MGAT4A: variants seen among roughly 807,000 people sequenced by gnomAD.
MGAT4A encodes alpha-1,3-mannosyl-glycoprotein 4-beta-N-acetylglucosaminyltransferase A.
In MGAT4A, 33 loss-of-function variants were observed where a neutral mutation model predicts 74.1. That is an observed-to-expected ratio of 0.45 (90% confidence interval 0.34 to 0.60). MGAT4A has a LOEUF of 0.60. Ranked by LOEUF, MGAT4A falls within the 20% of genes least tolerant of loss-of-function variation. The pLI is 0.02. For missense variants in MGAT4A, 479 were observed against 628.3 expected (o/e 0.76, Z 2.54); for synonymous variants, 198 against 210.4 (o/e 0.94, Z 0.51).
chr2:98,712,156 T>C (rs1012244263), intron 2 of MGAT4A, among the ~76,000 whole-genome samples: 4 of 152,178 alleles, frequency 2.6e-5, no homozygotes, highest in Non-Finnish European at 5.9e-5. Context: ...TGCCCACTCC[T>C]TGGTTCAATC....
chr2:98,645,163 G>GA (rs1354263875), intron 9 of MGAT4A, among the ~76,000 whole-genome samples: 1 of 152,152 alleles, frequency 6.6e-6, no homozygotes. Flanking sequence ...TGCCAGAGAA[G>GA]AAAAAATCAA....
chr2:98,722,545 T>G (rs1411919617), intron 2 of MGAT4A, among the ~76,000 whole-genome samples: 2 of 150,822 alleles, frequency 1.3e-5, no homozygotes, highest in East Asian at 3.9e-4. Context: ...GGGAGGGAGG[T>G]AGGGATTAGG....
intron 8 of MGAT4A, among the ~76,000 whole-genome samples, chr2:98,653,442 G>A (rs995635394): frequency 6.6e-6 from 1 of 150,980 alleles, no homozygotes; most frequent in Non-Finnish European, 1.5e-5. Flanking sequence ...AGCTAGATTA[G>A]CTAAGAAAAA....
At chr2:98,675,391 C>A (rs1305330456) in intron 3 of MGAT4A, among the ~76,000 whole-genome samples, 5 of 152,134 alleles carry the variant, frequency 3.3e-5, no homozygotes, top group African/African-American at 1.2e-4. Flanking sequence ...CTGAAGGAAA[C>A]CAAAATGGCC....
chr2:98,731,102 C>A lies in MGAT4A; in HGVS notation c.-290G>T, dbSNP rs1559179693. The A allele has an allele frequency of 1.4e-5, 1 of 72,598 alleles. No homozygotes were observed. The highest frequency in any genetic ancestry group is 2.4e-5 in the Non-Finnish European group (1 of 42,320). The allele number at this position is 72,598 out of a possible 1,614,324, so 4.5% of individuals were successfully genotyped here. A position where few individuals can be genotyped will look rare whatever the true frequency, so the allele number is the denominator to read the frequency against. ...CTGCCGGCGGAGCTGCTGTAGCCGC[C>A]GCCGCCGCTGCCGCCGCCGCTGCGG... is the stretch of plus-strand genomic sequence containing the variant. On this transcript the variant is annotated 5_prime_UTR_variant, in exon 1 of 16. Transcript: ENST00000393487. This position sits in a 1 kb window ranked among gnomAD's most constrained non-coding sequence, Gnocchi z 4.8.
At chr2:98,697,039 C>T (rs1702284065) in intron 2 of MGAT4A, among the ~76,000 whole-genome samples, 1 of 152,106 alleles carries the variant, frequency 6.6e-6, no homozygotes, top group South Asian at 2.1e-4. Flanking sequence ...GCCATCTCTT[C>T]CTCAGATGTA....
chr2:98,641,879 G>C (rs1162848366), intron 10 of MGAT4A, among the ~76,000 whole-genome samples: 1 of 151,626 alleles, frequency 6.6e-6, no homozygotes, highest in Admixed American at 6.6e-5. Flanking sequence ...TGTAGTCCCA[G>C]CTACTCAGGA....
chr2:98,655,837 T>C (rs1701651212), intron 7 of MGAT4A: 2 of 203,566 alleles, frequency 9.8e-6, no homozygotes, highest in Admixed American at 5.9e-5. Context: ...GGCACAAAAA[T>C]ATCCAACGGT....
intron 4 of MGAT4A, 122 bp from the exon 5 acceptor site, chr2:98,663,301 T>G (rs978368363): frequency 6.5e-7 from 1 of 1,530,032 alleles, no homozygotes; most frequent in East Asian, 2.4e-5. Context: ...TCAAAATATA[T>G]TAAGTTTCAG....
chr2:98,655,742 A>T (rs1357681849), intron 7 of MGAT4A: 1 of 404,432 alleles, frequency 2.5e-6, no homozygotes, highest in East Asian at 4.2e-5. Flanking sequence ...ACTAATTCTC[A>T]AGCTGTCCTG....
At chr2:98,714,051 G>A (rs1228333926) in intron 2 of MGAT4A, among the ~76,000 whole-genome samples, 1 of 152,144 alleles carries the variant, frequency 6.6e-6, no homozygotes, top group Non-Finnish European at 1.5e-5. Flanking sequence ...ATATATACTG[G>A]GATTGAGCAT....
chr2:98,667,172 T>C lies in MGAT4A; in HGVS notation c.404-3993A>G, dbSNP rs572898718. 1.1e-4 allele frequency among the ~76,000 whole-genome samples: 17 copies of C among 152,328 alleles called. No homozygotes were observed. The South Asian group carries it at 2.5e-3, about 22-fold the overall frequency. Reference sequence around the variant, plus strand: ...TTCTGCCATGATTGTGAGGCCTCCCTAGCCACATGGAACTGTAAGTCCAAT... The same window carrying C: ...TTCTGCCATGATTGTGAGGCCTCCCCAGCCACATGGAACTGTAAGTCCAAT... On this transcript the variant is annotated intron_variant, in intron 4 of 15. Coordinates refer to ENST00000393487, the MANE Select transcript of MGAT4A (RefSeq NM_012214.3).
Position 98,663,178 on chromosome 2 carries a change from A to C in MGAT4A, c.405T>G (p.Val135=), listed in dbSNP as rs776377675. 2 of 1,571,636 alleles carry C rather than the reference A, an allele frequency of 1.3e-6. No homozygotes were observed. Among genetic ancestry groups the C allele is most frequent in the Non-Finnish European group, 1.7e-6 (2 of 1,162,430 alleles). ...CTGTGGGAATGCCCATGACTATTGA[A>C]ACTGGAAAAAAAAATAGTAATTATA... The part of the protein sequence containing the change: ...AVQIGNGRTG[V]SIVMGIPTVK... Residue 135 remains valine (V), a splice_region_variant and synonymous_variant, in exon 5 of 16, where the codon GTT becomes GTG. Transcript: ENST00000393487.
At chr2:98,717,028 T>C (rs1702602460) in intron 2 of MGAT4A, among the ~76,000 whole-genome samples, 1 of 152,106 alleles carries the variant, frequency 6.6e-6, no homozygotes, top group East Asian at 1.9e-4. Context: ...TCTAACCAGA[T>C]AAATCATCAG....
chr2:98,637,088 T>C (rs983257108), intron 12 of MGAT4A, among the ~76,000 whole-genome samples: 1 of 152,122 alleles, frequency 6.6e-6, no homozygotes, highest in Non-Finnish European at 1.5e-5. Flanking sequence ...GGTAGGAGGA[T>C]CACTTGAGGT....
intron 14 of MGAT4A, among the ~76,000 whole-genome samples, chr2:98,634,292 T>C (rs1181838768): frequency 6.6e-6 from 1 of 152,082 alleles, no homozygotes; most frequent in Non-Finnish European, 1.5e-5. Flanking sequence ...AGCGAGGCCA[T>C]TAAATGGGCA....
At chr2:98,700,904 A>C (rs916630858) in intron 2 of MGAT4A, among the ~76,000 whole-genome samples, 1 of 152,132 alleles carries the variant, frequency 6.6e-6, no homozygotes, top group Non-Finnish European at 1.5e-5. Context: ...AAAAAAAAAA[A>C]AAACAATCTA....
In MGAT4A at chr2:98,715,317, CAAAAAAAAAAA is replaced by C. The variant is rs201860893; in HGVS notation, c.94+10911_94+10921del. ...TGGGTGACAGAGCTAGACTTCATCTCAAAAAAAAAAAAAAAAAAAAAAGAAATGAGGGAGAA... is the reference window on the plus strand; with the variant it reads ...TGGGTGACAGAGCTAGACTTCATCTCAAAAAAAAAAAGAAATGAGGGAGAA... On this transcript the variant is annotated intron_variant, in intron 2 of 15. Transcript: ENST00000393487. 4.6e-3 allele frequency among the ~76,000 whole-genome samples: 294 copies of C among 63,268 alleles called. 5 individuals carry two copies. The highest frequency in any genetic ancestry group is 0.021 in the East Asian group (50 of 2,370). The allele number at this position is 63,268 out of a possible 152,430, so 41.5% of individuals were successfully genotyped here. A position where few individuals can be genotyped will look rare whatever the true frequency, so the allele number is the denominator to read the frequency against.
intron 15 of MGAT4A, 22 bp from the exon 16 acceptor site, chr2:98,625,614 G>A: frequency 1.3e-6 from 2 of 1,591,120 alleles, no homozygotes; most frequent in Non-Finnish European, 1.7e-6. Context: ...AATCATAAAA[G>A]GTATGATAAA....
Sources: allele counts gnomAD v4.1 joint callset (sites outside exome capture counted in the v4.1 genomes callset), GRCh38; gene constraint gnomAD v4.1.1; non-coding constraint Gnocchi (gnomAD v3.1); transcripts MANE v1.5; gene names NCBI Gene and HGNC (gene_info 2026-07-23, HGNC 2026-07-21).